Variants in WWP2 observed in about 807,000 individuals in gnomAD.
WWP2 encodes the protein NEDD4-like E3 ubiquitin-protein ligase WWP2.
Under a neutral mutation model 121.0 loss-of-function variants are expected in WWP2, and 57 were observed. The ratio of observed to expected loss-of-function variants is 0.47; its 90% CI spans 0.38 to 0.59. WWP2 has a LOEUF of 0.59. Among genes scored for constraint, WWP2 ranks in the 20% least tolerant of loss-of-function variants. WWP2 has a pLI of 0.00. For synonymous variants in WWP2, 449 were observed against 441.3 expected, an observed-to-expected ratio of 1.02 and a Z score of -0.22; for missense variants, 962 against 1,158.9, an observed-to-expected ratio of 0.83 and a Z score of 2.47.
chr16:69,874,124 C>G (rs2057692801), intron 7 of WWP2, among the ~76,000 whole-genome samples: 1 of 152,160 alleles, frequency 6.6e-6, no homozygotes, highest in South Asian at 2.1e-4. Context: ...TTAGGGATTT[C>G]TGCCCACTCC....
intron 9 of WWP2, among the ~76,000 whole-genome samples, chr16:69,912,056 G>A (rs1453911785): frequency 6.6e-6 from 1 of 152,072 alleles, no homozygotes; most frequent in East Asian, 1.9e-4. Context: ...TTGGGAGGCC[G>A]AGGCAGGTGG....
At chr16:69,801,062 G>A (rs1364694713) in intron 4 of WWP2, among the ~76,000 whole-genome samples, 4 of 147,796 alleles carry the variant, frequency 2.7e-5, no homozygotes, top group African/African-American at 4.9e-5. Context: ...GGTGGTGGGC[G>A]CCTGTAATCC....
intron 1 of WWP2, among the ~76,000 whole-genome samples, chr16:69,774,044 G>A (rs185521875): frequency 1.4e-5 from 2 of 147,230 alleles, no homozygotes; most frequent in African/African-American, 2.4e-5. Context: ...GGTGGTCAGT[G>A]TTGTTTTTTT....
intron 6 of WWP2, among the ~76,000 whole-genome samples, chr16:69,845,734 G>A (rs1159335808): frequency 6.6e-6 from 1 of 152,026 alleles, no homozygotes; most frequent in East Asian, 1.9e-4. Context: ...TTCTTAGTGG[G>A]ATCTTGCCTC....
chr16:69,880,440 G>A (rs1271799857), intron 7 of WWP2, among the ~76,000 whole-genome samples: 1 of 151,786 alleles, frequency 6.6e-6, no homozygotes, highest in African/African-American at 2.4e-5. Context: ...TTCTTTGATC[G>A]TTCATACATT....
Position 69,925,166 on chromosome 16 carries a change from G to A in WWP2, c.1180-264G>A, listed in dbSNP as rs971346458. ...CCTGGCACACCTTCACCCGCGTACC[G>A]CCTCCTCCCCGTCGCTCTGCCTTTT... On this transcript the variant is annotated intron_variant, in intron 10 of 23. Coordinates refer to ENST00000359154, the MANE Select transcript of WWP2 (RefSeq NM_001270454.2). The surrounding 1 kb of genome is among the most constrained non-coding windows in gnomAD (Gnocchi z 4.0). The A allele has an allele frequency of 3.3e-5, 41 of 1,254,608 alleles. No individual in the cohort carries two copies. In the African/African-American group the frequency reaches 4.1e-4, roughly 13 times the overall value. 77.7% of individuals were successfully genotyped at this position (1,254,608 alleles called of 1,614,324 possible).
At chr16:69,929,633 C>T in intron 12 of WWP2, 104 bp downstream of exon 12, 2 of 976,108 alleles carry the variant, frequency 2.0e-6, no homozygotes, top group Non-Finnish European at 1.6e-6. Flanking sequence ...GGGCTGATGT[C>T]AGGGACCTTT....
chr16:69,773,502 A>C (rs1325809791), intron 1 of WWP2, among the ~76,000 whole-genome samples: 2 of 147,738 alleles, frequency 1.4e-5, no homozygotes, highest in African/African-American at 5.0e-5. Context: ...TTTCTTTTGA[A>C]ACAGGGTCTT....
chr16:69,795,542 A>T (rs1024095617), intron 2 of WWP2, among the ~76,000 whole-genome samples: 1 of 152,224 alleles, frequency 6.6e-6, no homozygotes, highest in South Asian at 2.1e-4. Context: ...CTATAGACAC[A>T]TAGAACAGAA....
intron 1 of WWP2, among the ~76,000 whole-genome samples, chr16:69,771,341 G>A (rs544865475): frequency 3.3e-5 from 5 of 152,130 alleles, no homozygotes; most frequent in Admixed American, 2.0e-4. Flanking sequence ...TCCGCCTCCC[G>A]GGTTCAAGCT....
intron 8 of WWP2, among the ~76,000 whole-genome samples, chr16:69,902,078 A>G (rs1389825957): frequency 6.6e-6 from 1 of 152,246 alleles, no homozygotes; most frequent in Admixed American, 6.5e-5. Context: ...GGTGAATCTG[A>G]CCAAGAAATA....
rs202196997 is a variant in WWP2, at chr16:69,939,916, G to A, written c.2589G>A (p.Glu863=). ...AGAAGCTGCTGTATGCCATTGAGGAGACCGAGGGCTTTGGACAGGAGTAAC... is the reference window on the plus strand; with the variant it reads ...AGAAGCTGCTGTATGCCATTGAGGAAACCGAGGGCTTTGGACAGGAGTAAC... ...LREKLLYAIE[E]TEGFGQE is the part of the protein sequence containing the mutation. The change falls in exon 24 of 24, where the codon GAG becomes GAA. Residue 863 remains glutamate, a synonymous_variant. Transcript: ENST00000359154. 8 of 1,613,894 alleles carry A rather than the reference G, an allele frequency of 5.0e-6. No homozygotes were observed. In the African/African-American group the frequency reaches 9.3e-5, roughly 19 times the overall value.
chr16:69,763,042 A>G (rs1186575643), intron 1 of WWP2, among the ~76,000 whole-genome samples: 3 of 152,110 alleles, frequency 2.0e-5, no homozygotes, highest in African/African-American at 4.8e-5. Flanking sequence ...TGAACGGGCC[A>G]TCATCGAGGC....
chr16:69,915,876 AT>A (rs201494557), intron 9 of WWP2, among the ~76,000 whole-genome samples: 1 of 152,074 alleles, frequency 6.6e-6, no homozygotes, highest in Non-Finnish European at 1.5e-5. Context: ...GTCTACAAAA[AT>A]TTTTTTAAAA....
intron 4 of WWP2, among the ~76,000 whole-genome samples, chr16:69,839,214 G>A (rs1202158778): frequency 6.6e-6 from 1 of 152,128 alleles, no homozygotes; most frequent in Non-Finnish European, 1.5e-5. Flanking sequence ...TGGAGTGGAC[G>A]GACCCCGTGG....
intron 8 of WWP2, among the ~76,000 whole-genome samples, chr16:69,907,585 T>C (rs1259216223): frequency 1.3e-5 from 2 of 152,342 alleles, no homozygotes; most frequent in East Asian, 3.9e-4. Context: ...ATCCTTTATA[T>C]ATAGGTTACT....
intron 4 of WWP2, among the ~76,000 whole-genome samples, chr16:69,813,599 A>G (rs751089239): frequency 6.6e-6 from 1 of 152,198 alleles, no homozygotes; most frequent in Non-Finnish European, 1.5e-5. Flanking sequence ...AGTAGCTGGG[A>G]CTACAGGTGT....
chr16:69,796,575 A>C (rs1385051990), intron 2 of WWP2, among the ~76,000 whole-genome samples: 2 of 152,236 alleles, frequency 1.3e-5, no homozygotes, highest in African/African-American at 4.8e-5. Context: ...TTTAAAATAC[A>C]GTTTTTACTG....
rs772180549 is a variant in WWP2 at position 69,935,876 on chromosome 16, C to T, written c.1866C>T (p.Ile622=). Residue 622 remains isoleucine, a synonymous_variant, in exon 18 of 24, where the codon ATC becomes ATT. Coordinates refer to ENST00000359154, the MANE Select transcript of WWP2 (RefSeq NM_001270454.2). The surrounding 1 kb of genome is among the most constrained non-coding windows in gnomAD (Gnocchi z 5.2). The part of the protein sequence containing the change: ...IAMALYHGKF[I]DTGFTLPFYK... Reference sequence around the variant, plus strand: ...AGGCGCTGTACCATGGAAAGTTCATCGACACGGGCTTCACCCTCCCTTTCT... The same window carrying T: ...AGGCGCTGTACCATGGAAAGTTCATTGACACGGGCTTCACCCTCCCTTTCT... 5.1e-5 allele frequency: 82 copies of T among 1,613,634 alleles called. No homozygotes were observed. Among genetic ancestry groups the T allele is most frequent in the Non-Finnish European group, 6.4e-5 (75 of 1,179,888 alleles).
Sources: gnomAD v4.1 joint callset for allele counts (sites outside exome capture counted in the v4.1 genomes callset) on GRCh38, gnomAD v4.1.1 for gene constraint, Gnocchi (gnomAD v3.1) non-coding constraint, MANE v1.5 for transcripts, NCBI Gene and HGNC (gene_info 2026-07-23, HGNC 2026-07-21) for gene names.